NAA60: variants seen among roughly 807,000 people sequenced by gnomAD.
NAA60 encodes the protein N-alpha-acetyltransferase 60, NatF catalytic subunit.
NAA60 carries 8 observed loss-of-function variants against 26.1 expected under a neutral mutation model. The observed-to-expected ratio is 0.31, with a 90% CI of 0.18 to 0.55. The LOEUF (loss-of-function observed/expected upper bound fraction) is 0.55, where lower values mean the gene tolerates loss of function less well. Among genes scored for constraint, NAA60 ranks in the 20% least tolerant of loss-of-function variants. The pLI is 0.93. For missense variants in NAA60, 290 were observed against 311.3 expected (o/e 0.93, Z 0.51); for synonymous variants, 131 against 122.5 (o/e 1.07, Z -0.46).
chr16:3,472,328 C>T (rs2036204307), intron 2 of NAA60: 1 of 152,240 alleles, frequency 6.6e-6, no homozygotes, highest in Non-Finnish European at 1.5e-5. Context: ...TGCATTCAGT[C>T]ACCTGGAAAA....
chr16:3,485,069 A>G lies in NAA60; in HGVS notation c.*206+8A>G. 7.0e-7 allele frequency: 1 copy of G among 1,423,488 alleles called. No homozygotes were observed. The highest frequency in any genetic ancestry group is 1.2e-5 in the South Asian group (1 of 81,024). 88.2% of individuals were successfully genotyped at this position (1,423,488 alleles called of 1,614,324 possible). A position where few individuals can be genotyped will look rare whatever the true frequency, so the allele number is the denominator to read the frequency against. ...CATGCCCATCCGTGGCAGGTACGCC[A>G]CAGCAGACACAAAGGTATGGGAGCT... On this transcript the variant is annotated splice_region_variant and intron_variant, in intron 7 of 7. Coordinates refer to ENST00000407558, the MANE Select transcript of NAA60 (RefSeq NM_001083601.3).
At chr16:3,484,502 C>T in intron 6 of NAA60, 197 bp from the exon 7 acceptor site, 3 of 665,896 alleles carry the variant, frequency 4.5e-6, no homozygotes, top group South Asian at 1.9e-5. Flanking sequence ...AGACCCCACC[C>T]TCTGTTGTTT....
intron 2 of NAA60, among the ~76,000 whole-genome samples, chr16:3,456,284 T>C (rs1403926345): frequency 6.6e-6 from 1 of 152,240 alleles, no homozygotes; most frequent in Admixed American, 6.5e-5. Flanking sequence ...TCTGCATTTT[T>C]AGCAAGCTCC....
chr16:3,484,705 C>T lies in NAA60; in HGVS notation c.579C>T (p.Tyr193=). Residue 193 remains tyrosine, a synonymous_variant, in exon 7 of 8, where the codon TAC becomes TAT. Coordinates refer to ENST00000407558, the MANE Select transcript of NAA60 (RefSeq NM_001083601.3). Reference sequence around the variant, plus strand: ...TTCCTTAACAGAGCCCCACGGACTACATCCAGCACCTGGGCTCTGCACTAG... The same window carrying T: ...TTCCTTAACAGAGCCCCACGGACTATATCCAGCACCTGGGCTCTGCACTAG... ...GGHPPWTILD[Y]IQHLGSALAS... is the part of the protein sequence containing the mutation. The T allele has an allele frequency of 1.3e-6, 2 of 1,591,332 alleles. No individual in the cohort carries two copies. The highest frequency in any genetic ancestry group is 1.7e-6 in the Non-Finnish European group (2 of 1,169,954).
At chr16:3,469,658 G>C (rs1486900980) in intron 2 of NAA60, among the ~76,000 whole-genome samples, 2 of 151,992 alleles carry the variant, frequency 1.3e-5, no homozygotes, top group African/African-American at 2.4e-5. Context: ...TCAGAGCAGA[G>C]AGCACCTGCC....
At chr16:3,465,971 G>A (rs2035733869) in intron 2 of NAA60, among the ~76,000 whole-genome samples, 1 of 152,348 alleles carries the variant, frequency 6.6e-6, no homozygotes, top group Admixed American at 6.5e-5. Flanking sequence ...GGAAGATTGA[G>A]TCAGGACCCG....
intron 2 of NAA60, among the ~76,000 whole-genome samples, chr16:3,452,179 C>T (rs2034812204): frequency 6.6e-6 from 1 of 152,124 alleles, no homozygotes; most frequent in Admixed American, 6.5e-5. Context: ...CGCCACTTTA[C>T]TCCAACTTGG....
chr16:3,464,114 C>T (rs1280044357), intron 2 of NAA60, among the ~76,000 whole-genome samples: 1 of 152,066 alleles, frequency 6.6e-6, no homozygotes, highest in Non-Finnish European at 1.5e-5. Flanking sequence ...GCTCACTGCA[C>T]CCTCCGCCTC....
Position 3,485,027 on chromosome 16 carries a change from C to T in NAA60, c.*172C>T, listed in dbSNP as rs903457524. 66 of 1,516,856 alleles carry T rather than the reference C, an allele frequency of 4.4e-5. No individual in the cohort carries two copies. The highest frequency in any genetic ancestry group is 5.3e-5 in the Non-Finnish European group (60 of 1,132,666). The allele number at this position is 1,516,856 out of a possible 1,614,324, so 94.0% of individuals were successfully genotyped here. On this transcript the variant is annotated 3_prime_UTR_variant, in exon 7 of 8. Transcript: ENST00000407558. Reference sequence around the variant, plus strand: ...CTACACGGGCTCGGGAACAGAACATCGTGGGCATGCGCAGAGCATGCCCAT... The same window carrying T: ...CTACACGGGCTCGGGAACAGAACATTGTGGGCATGCGCAGAGCATGCCCAT...
At chr16:3,478,409 G>A (rs2151009859) in intron 3 of NAA60, among the ~76,000 whole-genome samples, 1 of 152,322 alleles carries the variant, frequency 6.6e-6, no homozygotes, top group East Asian at 1.9e-4. Context: ...CAGCCTGCCT[G>A]TCTCTCCTGC....
At chr16:3,461,799 A>G in intron 2 of NAA60, among the ~76,000 whole-genome samples, 1 of 152,112 alleles carries the variant, frequency 6.6e-6, no homozygotes, top group East Asian at 1.9e-4. Context: ...TGTTTGACAA[A>G]CCATGTTAAA....
chr16:3,477,662 C>A (rs537397067), intron 3 of NAA60, among the ~76,000 whole-genome samples: 3 of 149,660 alleles, frequency 2.0e-5, no homozygotes, highest in Non-Finnish European at 4.4e-5. Context: ...TTGGGCCGGG[C>A]GCAGTGGCTC....
intron 6 of NAA60, 126 bp from the exon 7 acceptor site, chr16:3,484,573 T>C (rs950322060): frequency 1.7e-5 from 21 of 1,265,160 alleles, no homozygotes; most frequent in Non-Finnish European, 2.2e-5. Context: ...CTTAGCGGGC[T>C]CTCAGCCTCC....
At chr16:3,483,037 A>T in intron 5 of NAA60, 1 of 483,366 alleles carries the variant, frequency 2.1e-6, no homozygotes, top group Non-Finnish European at 3.7e-6. Flanking sequence ...GTCTTAATTA[A>T]TTTTAAACCC....
intron 1 of NAA60, 173 bp downstream of exon 1, chr16:3,444,010 C>G: frequency 2.3e-6 from 3 of 1,285,240 alleles, no homozygotes; most frequent in African/African-American, 1.5e-5. Flanking sequence ...TCACAACGTT[C>G]ACATCGGTGT....
Position 3,485,044 on chromosome 16 carries a change from C to T in NAA60, c.*189C>T. On this transcript the variant is annotated 3_prime_UTR_variant, in exon 7 of 8. Transcript: ENST00000407558. ...CAGAACATCGTGGGCATGCGCAGAG[C>T]ATGCCCATCCGTGGCAGGTACGCCA... 1 of 1,503,706 alleles carries T rather than the reference C, an allele frequency of 6.7e-7. No homozygotes were observed. Among genetic ancestry groups the T allele is most frequent in the South Asian group, 1.2e-5 (1 of 82,638 alleles). The allele number at this position is 1,503,706 out of a possible 1,614,324, so 93.1% of individuals were successfully genotyped here.
chr16:3,451,568 T>G (rs987435645), intron 2 of NAA60, among the ~76,000 whole-genome samples: 5 of 152,202 alleles, frequency 3.3e-5, no homozygotes, highest in African/African-American at 1.2e-4. Flanking sequence ...TCAAACTTAC[T>G]GAGAAATGTG....
At chr16:3,470,763 T>C (rs780303301) in intron 2 of NAA60, among the ~76,000 whole-genome samples, 12 of 152,224 alleles carry the variant, frequency 7.9e-5, no homozygotes, top group Admixed American at 3.3e-4. Flanking sequence ...CCAGGGCACA[T>C]GTGGGTCCCC....
chr16:3,485,152 C>G (rs923170272), intron 7 of NAA60, 91 bp downstream of exon 7: 5 of 808,908 alleles, frequency 6.2e-6, no homozygotes, highest in Non-Finnish European at 1.0e-5. Context: ...ACGGCAGAGC[C>G]GGAAGGGGCC....
Sources: allele counts gnomAD v4.1 joint callset (sites outside exome capture counted in the v4.1 genomes callset), GRCh38; gene constraint gnomAD v4.1.1; transcripts MANE v1.5; gene names NCBI Gene and HGNC (gene_info 2026-07-23, HGNC 2026-07-21).